Variants in SHOC1 observed in about 807,000 individuals in gnomAD.
The protein encoded by SHOC1 is protein shortage in chiasmata 1 ortholog.
SHOC1 carries 136 observed loss-of-function variants against 179.2 expected under a neutral mutation model. That is an observed-to-expected ratio of 0.76 (90% confidence interval 0.66 to 0.87). SHOC1 has a LOEUF of 0.87. Ranked by LOEUF, SHOC1 falls within the 40% of genes least tolerant of loss-of-function variation. The pLI, the probability that SHOC1 is intolerant of heterozygous loss-of-function variation, is 0.00. For missense variants in SHOC1, 1,538 were observed against 1,700.8 expected (o/e 0.90, Z 1.68); for synonymous variants, 489 against 586.6 (o/e 0.83, Z 2.41).
At chr9:111,714,346 T>C in intron 17 of SHOC1, 99 bp downstream of exon 17, 3 of 1,208,926 alleles carry the variant, frequency 2.5e-6, no homozygotes, top group Middle Eastern at 2.2e-4. Flanking sequence ...CTAAGTAGTA[T>C]AGACTACTTC....
chr9:111,710,326 A>G (rs1832483833), intron 18 of SHOC1, among the ~76,000 whole-genome samples: 1 of 152,138 alleles, frequency 6.6e-6, no homozygotes, highest in Non-Finnish European at 1.5e-5. Flanking sequence ...GCACCTTATA[A>G]GACTCTGCTT....
chr9:111,686,939 C>CTTTTTTT (rs10537471), intron 27 of SHOC1, 69 bp from the exon 28 acceptor site: 2 of 520,852 alleles, frequency 3.8e-6, no homozygotes, highest in Non-Finnish European at 3.0e-6. Context: ...TTTTCTTTTC[C>CTTTTTTT]TTTTTTTTTT....
At chr9:111,725,289 A>C (rs1833247779) in intron 13 of SHOC1, among the ~76,000 whole-genome samples, 1 of 152,158 alleles carries the variant, frequency 6.6e-6, no homozygotes, top group Non-Finnish European at 1.5e-5. Context: ...TTAAGTGTAA[A>C]ATAAGACAAA....
chr9:111,725,517 G>A (rs1362942729), intron 13 of SHOC1, among the ~76,000 whole-genome samples: 2 of 152,176 alleles, frequency 1.3e-5, no homozygotes, highest in East Asian at 1.9e-4. Flanking sequence ...CAGGGAGGGC[G>A]GGGGAGGTCA....
At chr9:111,686,937 T>TC in intron 27 of SHOC1, 67 bp from the exon 28 acceptor site, 1 of 929,764 alleles carries the variant, frequency 1.1e-6, no homozygotes, top group Non-Finnish European at 1.5e-6. Context: ...TTTTTTCTTT[T>TC]CCTTTTTTTT....
chr9:111,768,227 A>AT (rs1360932678), intron 5 of SHOC1, among the ~76,000 whole-genome samples: 1 of 144,646 alleles, frequency 6.9e-6, no homozygotes, highest in Non-Finnish European at 1.5e-5. Flanking sequence ...TTGTATGTTA[A>AT]ATTTTTTTTT....
At chr9:111,779,465 T>C (rs1042446434) in intron 4 of SHOC1, among the ~76,000 whole-genome samples, 4 of 152,330 alleles carry the variant, frequency 2.6e-5, no homozygotes, top group East Asian at 3.9e-4. Flanking sequence ...ATTATTGCCT[T>C]TGCTAAACAC....
In SHOC1 at chr9:111,759,141, A is replaced by G. The variant is rs753917651; in HGVS notation, c.443-293T>C. On this transcript the variant is annotated intron_variant, in intron 5 of 27. Coordinates refer to ENST00000682961, the MANE Select transcript of SHOC1 (RefSeq NM_001378211.1). ...TAAAGATTAATCAATGGAGGAAAAT[A>G]TCTTATGGACTTACACTTCAAAATA... is the stretch of plus-strand genomic sequence containing the variant. 2.5e-6 allele frequency: 4 copies of G among 1,588,418 alleles called. No individual in the cohort carries two copies. The Admixed American group carries it at 7.4e-5, about 29-fold the overall frequency.
intron 5 of SHOC1, among the ~76,000 whole-genome samples, chr9:111,761,509 A>AAAAC (rs60251709): frequency 1.4e-3 from 213 of 152,168 alleles, no homozygotes; most frequent in Non-Finnish European, 2.4e-3. Context: ...CTTAGAACAA[A>AAAAC]AAACAAACAA....
rs765129227 is a variant in SHOC1 at position 111,756,412 on chromosome 9, G to A, written c.775C>T (p.Pro259Ser). 6.2e-7 allele frequency: 1 copy of A among 1,611,200 alleles called. No homozygotes were observed. The highest frequency in any genetic ancestry group is 1.1e-5 in the South Asian group (1 of 90,750). The change falls in exon 8 of 28, where the codon CCA becomes TCA. Residue 259 changes from proline (P) to serine (S), a missense_variant. Transcript: ENST00000682961. ...AACTCCTTCAGTTCTGAGAGTGATG[G>A]AATATCAATTTCTGGTTTGAGGCTT... The part of the protein sequence containing the change: ...PPSLKPEIDI[P>S]SLSELKELLN...
intron 3 of SHOC1, among the ~76,000 whole-genome samples, chr9:111,784,983 TAAAC>T (rs565229515): frequency 1.3e-5 from 2 of 152,178 alleles, no homozygotes; most frequent in African/African-American, 4.8e-5. Flanking sequence ...GTAATCAAAA[TAAAC>T]AAACAAACAA....
intron 8 of SHOC1, among the ~76,000 whole-genome samples, chr9:111,753,543 A>G (rs1419062688): frequency 6.6e-6 from 1 of 152,230 alleles, no homozygotes; most frequent in Non-Finnish European, 1.5e-5. Flanking sequence ...ATTCTAAAAA[A>G]ATTAAAAATC....
At chr9:111,785,580 G>A (rs983415940) in intron 3 of SHOC1, among the ~76,000 whole-genome samples, 4 of 151,788 alleles carry the variant, frequency 2.6e-5, no homozygotes, top group East Asian at 1.9e-4. Context: ...TTTTATATTC[G>A]GTGTGCCATT....
chr9:111,733,704 C>T (rs1466444246), intron 12 of SHOC1, among the ~76,000 whole-genome samples: 1 of 152,030 alleles, frequency 6.6e-6, no homozygotes, highest in African/African-American at 2.4e-5. Flanking sequence ...CCCATCTCTA[C>T]TAAAAATACA....
rs759510670 is a variant in SHOC1 at position 111,692,370 on chromosome 9, T to A, written c.3607A>T (p.Ile1203Phe). 1.2e-6 allele frequency: 2 copies of A among 1,613,452 alleles called. No individual in the cohort carries two copies. Among genetic ancestry groups the A allele is most frequent in the East Asian group, 4.5e-5 (2 of 44,830 alleles). Residue 1203 changes from isoleucine (I) to phenylalanine (F), a missense_variant, in exon 27 of 28, where the codon ATT (isoleucine) becomes TTT (phenylalanine). Physicochemically the swap from Ile to Phe is conservative, Grantham distance 21. Coordinates refer to ENST00000682961, the MANE Select transcript of SHOC1 (RefSeq NM_001378211.1). ...QSSASDLDSV[I>F]QEHNEYYQYL... ...TGATAATATTCATTATGTTCTTGAA[T>A]GACAGAGTCTAAATCAGAAGCTGAA...
At chr9:111,690,771 C>T (rs1001429326) in intron 27 of SHOC1, among the ~76,000 whole-genome samples, 3 of 152,152 alleles carry the variant, frequency 2.0e-5, no homozygotes, top group Non-Finnish European at 4.4e-5. Flanking sequence ...AGTCCTGTAG[C>T]TTATACAATT....
chr9:111,722,418 C>T lies in SHOC1; in HGVS notation c.2122G>A (p.Val708Ile), dbSNP rs1350458797. Residue 708 changes from valine to isoleucine, a missense_variant, in exon 15 of 28, where the codon GTT (valine) becomes ATT (isoleucine). By Grantham distance (29) the Val-to-Ile change is conservative (BLOSUM62 3). Transcript: ENST00000682961. The stretch of plus-strand genomic sequence containing the variant: ...TTTTATTTGTACTCACCTTGGCGAA[C>T]AGCATCACTTACTACTTTTTCTTGT... ...KEQEKVVSDA[V>I]RQGTIDEREM... 6.3e-7 allele frequency: 1 copy of T among 1,593,206 alleles called. No individual in the cohort carries two copies. Among genetic ancestry groups the T allele is most frequent in the African/African-American group, 1.4e-5 (1 of 73,582 alleles).
intron 15 of SHOC1, among the ~76,000 whole-genome samples, chr9:111,720,068 C>T (rs1832967341): frequency 1.3e-5 from 2 of 152,140 alleles, no homozygotes; most frequent in Non-Finnish European, 2.9e-5. Context: ...AGCAAGTGGA[C>T]TGGGGAAGGA....
At chr9:111,774,757 A>T (rs191379393) in intron 5 of SHOC1, among the ~76,000 whole-genome samples, 1 of 152,172 alleles carries the variant, frequency 6.6e-6, no homozygotes, top group Non-Finnish European at 1.5e-5. Flanking sequence ...CATAATTTAT[A>T]TATCTACATA....
Sources: allele counts gnomAD v4.1 joint callset (sites outside exome capture counted in the v4.1 genomes callset), GRCh38; gene constraint gnomAD v4.1.1; transcripts MANE v1.5; gene names NCBI Gene and HGNC (gene_info 2026-07-23, HGNC 2026-07-21).